Variants in C4BPB observed in about 807,000 individuals in gnomAD.
The protein encoded by C4BPB is complement component 4 binding protein beta, also known as C4b-binding protein beta chain.
A neutral mutation model predicts 26.6 loss-of-function variants in C4BPB; 19 were observed. That is an observed-to-expected ratio of 0.71 (90% CI 0.50 to 1.05). The LOEUF is 1.05. C4BPB is among the 50% of genes least tolerant of loss of function. C4BPB has a pLI of 0.00. For missense variants in C4BPB, 282 were observed against 302.9 expected (o/e 0.93, Z 0.51); for synonymous variants, 118 against 103.5 (o/e 1.14, Z -0.85).
chr1:207,097,369 C>T (rs563913751), intron 5 of C4BPB, among the ~76,000 whole-genome samples: 15 of 151,372 alleles, frequency 9.9e-5, no homozygotes, highest in Admixed American at 7.2e-4. Context: ...TGGGTCACCA[C>T]GCTTGGCTAA....
intron 5 of C4BPB, 133 bp from the exon 6 acceptor site, chr1:207,098,017 T>A: frequency 1.4e-6 from 1 of 696,736 alleles, no homozygotes; most frequent in South Asian, 1.8e-5. Context: ...AACTTAAGCA[T>A]GCATTGAGGC....
At chr1:207,097,680 T>C (rs1684310939) in intron 5 of C4BPB, 1 of 154,930 alleles carries the variant, frequency 6.5e-6, no homozygotes. Context: ...GGCATTTCGA[T>C]CTCGTTATAT....
chr1:207,095,504 T>G (rs1005836552), intron 4 of C4BPB: 1 of 433,912 alleles, frequency 2.3e-6, no homozygotes, highest in African/African-American at 2.0e-5. Context: ...AATTTTTGTA[T>G]TTTTAGTAGA....
At position 207,090,336 on chromosome 1, in the gene C4BPB, G is replaced by C; in HGVS notation, c.87G>C (p.Val29=). Residue 29 remains valine (V), a synonymous_variant, in exon 3 of 7, where the codon GTG becomes GTC. Coordinates refer to ENST00000367078, the MANE Select transcript of C4BPB (RefSeq NM_001017365.3). ...DAEHCPELPP[V]DNSIFVAKEV... ...AGCACTGTCCAGAGCTTCCTCCAGT[G>C]GACAATAGCATATTTGTCGCAAAGG... 6.2e-7 allele frequency: 1 copy of C among 1,613,398 alleles called. No homozygotes were observed. The highest frequency in any genetic ancestry group is 1.3e-5 in the African/African-American group (1 of 74,960).
intron 6 of C4BPB, among the ~76,000 whole-genome samples, chr1:207,099,415 C>T (rs559174755): frequency 3.4e-4 from 51 of 152,138 alleles, no homozygotes; most frequent in Non-Finnish European, 1.2e-4. Flanking sequence ...CCTAATAGTC[C>T]GTGGACCGGT....
intron 4 of C4BPB, among the ~76,000 whole-genome samples, chr1:207,094,364 CTA>C (rs1428166850): frequency 6.6e-6 from 1 of 151,598 alleles, no homozygotes; most frequent in Non-Finnish European, 1.5e-5. Context: ...AGAGCACAAA[CTA>C]TATATGCTCT....
intron 6 of C4BPB, among the ~76,000 whole-genome samples, chr1:207,098,744 T>G (rs11800986): frequency 0.057 from 8,605 of 152,262 alleles, 697 homozygotes; most frequent in African/African-American, 0.18. Flanking sequence ...CTGAGCTTGT[T>G]TTCCTGCAAC....
intron 4 of C4BPB, chr1:207,094,951 G>C (rs1387378135): frequency 1.0e-5 from 2 of 197,404 alleles, no homozygotes; most frequent in Admixed American, 5.3e-5. Context: ...CTTTTTTCCT[G>C]TGCTTATGTA....
At chr1:207,097,356 G>A (rs1024460228) in intron 5 of C4BPB, among the ~76,000 whole-genome samples, 7 of 151,472 alleles carry the variant, frequency 4.6e-5, no homozygotes, top group African/African-American at 1.7e-4. Flanking sequence ...GGGACTACAG[G>A]CATGGGTCAC....
At chr1:207,099,552 G>A (rs1183241666) in intron 6 of C4BPB, among the ~76,000 whole-genome samples, 2 of 152,146 alleles carry the variant, frequency 1.3e-5, no homozygotes, top group Admixed American at 6.5e-5. Flanking sequence ...ACACTGAACA[G>A]ATCCATTTTC....
intron 4 of C4BPB, chr1:207,095,710 G>C (rs945054431): frequency 2.4e-5 from 8 of 327,290 alleles, no homozygotes; most frequent in African/African-American, 1.8e-4. Context: ...GTAATCTCCA[G>C]TGTTGGAGGT....
chr1:207,095,673 G>A, intron 4 of C4BPB: 1 of 337,450 alleles, frequency 3.0e-6, no homozygotes. Context: ...TTGGATGTGT[G>A]TTCCTGCTCA....
At position 207,089,555 on chromosome 1, in the gene C4BPB, T is replaced by C; in HGVS notation, c.24T>C (p.Cys8=). The change falls in exon 2 of 7, where the codon TGT becomes TGC. Residue 8 remains cysteine, a synonymous_variant. Coordinates refer to ENST00000367078, the MANE Select transcript of C4BPB (RefSeq NM_001017365.3). MFFWCAC[C]LMVAWRVSAS... ...AGATGTTTTTTTGGTGTGCGTGCTG[T>C]CTTATGGTTGCGTGGCGAGTTTCTG... 6.2e-7 allele frequency: 1 copy of C among 1,614,104 alleles called. No homozygotes were observed. The highest frequency in any genetic ancestry group is 2.2e-5 in the East Asian group (1 of 44,874).
At chr1:207,090,737 A>G (rs1683993778) in intron 3 of C4BPB, among the ~76,000 whole-genome samples, 1 of 150,812 alleles carries the variant, frequency 6.6e-6, no homozygotes, top group South Asian at 2.1e-4. Flanking sequence ...CAGATATTAG[A>G]ACTAATTTTT....
Position 207,096,587 on chromosome 1 carries a change from T to C in C4BPB, c.475T>C (p.Ser159Pro). ...YFEGNNFTLGSTISYYCEDRY... is the reference protein window; with the variant it reads ...YFEGNNFTLGPTISYYCEDRY... ...TGAAGGAAATAACTTCACCTTAGGA[T>C]CCACCATTAGTTATTACTGTGAAGA... is the stretch of plus-strand genomic sequence containing the variant. The change falls in exon 5 of 7, where the codon TCC (serine) becomes CCC (proline). Residue 159 changes from serine (S) to proline (P), a missense_variant. Transcript: ENST00000367078. 1 of 1,604,970 alleles carries C rather than the reference T, an allele frequency of 6.2e-7. No homozygotes were observed.
intron 5 of C4BPB, 75 bp from the exon 6 acceptor site, chr1:207,098,075 C>G: frequency 8.9e-7 from 1 of 1,118,534 alleles, no homozygotes; most frequent in Non-Finnish European, 1.4e-6. Flanking sequence ...TACTGAAATA[C>G]AACTACACAA....
At chr1:207,098,081 C>T in intron 5 of C4BPB, 69 bp from the exon 6 acceptor site, 1 of 1,221,004 alleles carries the variant, frequency 8.2e-7, no homozygotes, top group Non-Finnish European at 1.2e-6. Context: ...AATACAACTA[C>T]ACAAAACCAG....
At chr1:207,093,262 A>C (rs1684111515) in intron 4 of C4BPB, among the ~76,000 whole-genome samples, 1 of 152,200 alleles carries the variant, frequency 6.6e-6, no homozygotes, top group African/African-American at 2.4e-5. Context: ...TTAAATTCAA[A>C]AATATGAAAA....
intron 3 of C4BPB, among the ~76,000 whole-genome samples, 164 bp from the exon 4 acceptor site, chr1:207,091,480 T>C (rs1054576984): frequency 6.6e-6 from 1 of 152,256 alleles, no homozygotes; most frequent in African/African-American, 2.4e-5. Context: ...TCCTCTTTTT[T>C]TCATTCTGCA....
Sources: gnomAD v4.1 joint callset for allele counts (sites outside exome capture counted in the v4.1 genomes callset) on GRCh38, gnomAD v4.1.1 for gene constraint, MANE v1.5 for transcripts, NCBI Gene and HGNC (gene_info 2026-07-23, HGNC 2026-07-21) for gene names.